Variants in ZAP70 observed in about 807,000 individuals in gnomAD.
ZAP70 encodes tyrosine-protein kinase ZAP-70.
ZAP70 carries 27 observed loss-of-function variants against 65.8 expected under a neutral mutation model. The observed-to-expected ratio is 0.41, with a 90% CI of 0.30 to 0.57. The LOEUF (loss-of-function observed/expected upper bound fraction) is 0.57. Ranked by LOEUF, ZAP70 falls within the 20% of genes least tolerant of loss-of-function variation. The probability of loss-of-function intolerance (pLI) is 0.28; values close to 1 mark genes in which losing one functional copy is unlikely to be tolerated. For synonymous variants in ZAP70, 363 were observed against 360.8 expected, an observed-to-expected ratio of 1.01 and a Z score of -0.07; for missense variants, 696 against 870.5, an observed-to-expected ratio of 0.80 and a Z score of 2.52.
chr2:97,750,787 C>T, the ZAP70 span, among the ~76,000 whole-genome samples: 7 of 152,158 alleles, frequency 4.6e-5, no homozygotes, highest in Non-Finnish European at 4.4e-5. Context: ...ATGACCTGTC[C>T]CTTTGCTGGC....
At position 97,724,216 on chromosome 2, in the gene ZAP70, C is replaced by T. The variant is rs1677279173; in HGVS notation, c.180C>T (p.Pro60=). 6.2e-7 allele frequency: 1 copy of T among 1,600,464 alleles called. No individual in the cohort carries two copies. The highest frequency in any genetic ancestry group is 8.5e-7 in the Non-Finnish European group (1 of 1,175,106). The change falls in exon 3 of 14, where the codon CCC becomes CCT. Residue 60 remains proline, a synonymous_variant. Coordinates refer to ENST00000264972, the MANE Select transcript of ZAP70 (RefSeq NM_001079.4). The part of the protein sequence containing the change: ...LVHDVRFHHF[P]IERQLNGTYA... ...ACGATGTGCGCTTCCACCACTTTCC[C>T]ATCGAGCGCCAGCTCAACGGCACCT...
At chr2:97,748,323 C>T in the ZAP70 span, among the ~76,000 whole-genome samples, 7 of 152,168 alleles carry the variant, frequency 4.6e-5, no homozygotes, top group East Asian at 1.3e-3. Flanking sequence ...AACTGTTAAT[C>T]CACTTGGCAA....
chr2:97,753,712 T>C, the ZAP70 span, among the ~76,000 whole-genome samples: 100 of 152,284 alleles, frequency 6.6e-4, no homozygotes, highest in African/African-American at 2.3e-3. Context: ...CAGCTCATGT[T>C]TGTAATCCCA....
chr2:97,747,058 AC>A, the ZAP70 span, among the ~76,000 whole-genome samples: 1 of 152,332 alleles, frequency 6.6e-6, no homozygotes, highest in African/African-American at 2.4e-5. Context: ...ATGGGCAAAA[AC>A]AACTGTGGGA....
downstream of ZAP70, among the ~76,000 whole-genome samples, chr2:97,741,585 C>T (rs557700456): frequency 6.6e-6 from 1 of 152,230 alleles, no homozygotes; most frequent in African/African-American, 2.4e-5. Context: ...CGCCCAGGCT[C>T]CCTGGGTATG....
chr2:97,749,309 G>A, the ZAP70 span, among the ~76,000 whole-genome samples: 1 of 152,192 alleles, frequency 6.6e-6, no homozygotes, highest in Non-Finnish European at 1.5e-5. Context: ...GCGCCCGGCT[G>A]ACACTTCCTA....
At chr2:97,739,229 A>T in intron 13 of ZAP70, 146 bp from the exon 14 acceptor site, 2 of 1,297,812 alleles carry the variant, frequency 1.5e-6, no homozygotes, top group Non-Finnish European at 2.1e-6. Flanking sequence ...CCTCTCCACC[A>T]CCCAATGTCC....
chr2:97,742,308 T>G (rs1219193640), downstream of ZAP70, among the ~76,000 whole-genome samples: 1 of 152,264 alleles, frequency 6.6e-6, no homozygotes, highest in Non-Finnish European at 1.5e-5. Flanking sequence ...AAAAATATCT[T>G]ATTGTGTAAA....
chr2:97,734,854 C>T, intron 9 of ZAP70, 142 bp downstream of exon 9: 2 of 1,147,946 alleles, frequency 1.7e-6, no homozygotes, highest in South Asian at 2.8e-5. Flanking sequence ...ACGTTGCACG[C>T]TGGAGGATTC....
chr2:97,742,444 G>A (rs1288683573), downstream of ZAP70, among the ~76,000 whole-genome samples: 5 of 152,246 alleles, frequency 3.3e-5, no homozygotes, highest in East Asian at 1.9e-4. Context: ...CACAGAGCTC[G>A]CACCTTCTCA....
chr2:97,753,016 C>CT, the ZAP70 span, among the ~76,000 whole-genome samples: 1 of 152,292 alleles, frequency 6.6e-6, no homozygotes, highest in South Asian at 2.1e-4. Flanking sequence ...AAAAAGGAAT[C>CT]TTTCTTCAAA....
intron 2 of ZAP70, among the ~76,000 whole-genome samples, chr2:97,723,695 C>T (rs1351901059): frequency 6.6e-6 from 1 of 152,250 alleles, no homozygotes; most frequent in African/African-American, 2.4e-5. Flanking sequence ...AGCACCGGGC[C>T]TGAAACACAA....
chr2:97,714,582 C>A (rs539266312), intron 2 of ZAP70, among the ~76,000 whole-genome samples: 18 of 152,328 alleles, frequency 1.2e-4, no homozygotes, highest in Non-Finnish European at 2.4e-4. Flanking sequence ...ACCTGGCAGG[C>A]GCCTGGTTCC....
chr2:97,737,450 C>T lies in ZAP70; in HGVS notation c.1290-23C>T, dbSNP rs1360655551. 1.9e-6 allele frequency: 3 copies of T among 1,613,586 alleles called. No individual in the cohort carries two copies. In the African/African-American group the frequency reaches 4.0e-5, roughly 22 times the overall value. ...ACTTGGCTAGTCTTCTCCCAGCTGA[C>T]CCCGCCTTCCCCGCCACCCCAGGGA... On this transcript the variant is annotated intron_variant, in intron 10 of 13. Transcript: ENST00000264972. The surrounding 1 kb of genome is among the most constrained non-coding windows in gnomAD (Gnocchi z 5.0).
In ZAP70 at chr2:97,739,517, A is replaced by G. The variant is rs1454175536; in HGVS notation, c.*19A>G. The G allele has an allele frequency of 6.2e-7, 1 of 1,609,472 alleles. No individual in the cohort carries two copies. The highest frequency in any genetic ancestry group is 8.5e-7 in the Non-Finnish European group (1 of 1,178,648). ...TGCCTGAGCTCCCGCTGCCCAGGGG[A>G]GCCCTCCACGCCGGCTCTTCCCCAC... On this transcript the variant is annotated 3_prime_UTR_variant, in exon 14 of 14. Coordinates refer to ENST00000264972, the MANE Select transcript of ZAP70 (RefSeq NM_001079.4).
chr2:97,736,227 G>T lies in ZAP70; in HGVS notation c.1289+771G>T, dbSNP rs1471797830. Among the ~76,000 whole-genome samples, 1 of 151,252 alleles carries T rather than the reference G, an allele frequency of 6.6e-6. No individual in the cohort carries two copies. Among genetic ancestry groups the T allele is most frequent in the Non-Finnish European group, 1.5e-5 (1 of 67,856 alleles). Reference sequence around the variant, plus strand: ...AACGAAGATGTGACAGAGATCACTTGTGGCCTGTAAAGGCTAAAATCCTTA... The same window carrying T: ...AACGAAGATGTGACAGAGATCACTTTTGGCCTGTAAAGGCTAAAATCCTTA... On this transcript the variant is annotated intron_variant, in intron 10 of 13. Transcript: ENST00000264972. This position sits in a 1 kb window ranked among gnomAD's most constrained non-coding sequence, Gnocchi z 4.0.
chr2:97,745,617 C>T, the ZAP70 span, among the ~76,000 whole-genome samples: 1 of 152,102 alleles, frequency 6.6e-6, no homozygotes, highest in Admixed American at 6.5e-5. Context: ...AGTGACAAGC[C>T]ACACCTCACA....
At position 97,739,707 on chromosome 2, in the gene ZAP70, G is replaced by A; in HGVS notation, c.*209G>A. On this transcript the variant is annotated 3_prime_UTR_variant, in exon 14 of 14. Transcript: ENST00000264972. ...GAGCAGGGAGGTCCGGGAGGGTGCG[G>A]CTGTGCAGCCTGTCCTGGGCTGGTG... The A allele has an allele frequency of 1.3e-6, 1 of 776,772 alleles. No homozygotes were observed. Among genetic ancestry groups the A allele is most frequent in the Non-Finnish European group, 2.0e-6 (1 of 495,954 alleles). 48.1% of individuals were successfully genotyped at this position (776,772 alleles called of 1,614,324 possible).
At chr2:97,721,205 G>C (rs576502109) in intron 2 of ZAP70, among the ~76,000 whole-genome samples, 1 of 152,226 alleles carries the variant, frequency 6.6e-6, no homozygotes, top group East Asian at 1.9e-4. Flanking sequence ...TGCTATAATT[G>C]CTTTATCACA....
Sources: allele counts gnomAD v4.1 joint callset (sites outside exome capture counted in the v4.1 genomes callset), GRCh38; gene constraint gnomAD v4.1.1; non-coding constraint Gnocchi (gnomAD v3.1); transcripts MANE v1.5; gene names NCBI Gene and HGNC (gene_info 2026-07-23, HGNC 2026-07-21).